The following PTPRR variants were observed in gnomAD, a reference collection of about 807,000 sequenced individuals.
PTPRR encodes the protein protein tyrosine phosphatase receptor type R.
In PTPRR, 38 loss-of-function variants were observed where a neutral mutation model predicts 77.2. The ratio of observed to expected loss-of-function variants is 0.49; its 90% confidence interval spans 0.38 to 0.65. The LOEUF (loss-of-function observed/expected upper bound fraction) is 0.65, where lower values mean the gene tolerates loss of function less well. PTPRR is among the 30% of genes least tolerant of loss of function. The pLI is 0.00. For synonymous variants in PTPRR, 299 were observed against 283.1 expected, an observed-to-expected ratio of 1.06 and a Z score of -0.57; for missense variants, 744 against 799.2, an observed-to-expected ratio of 0.93 and a Z score of 0.83.
rs141636282 is a variant in PTPRR, at chr12:70,859,579, G to C, written c.357+33100C>G. ...AATGAATAGAATAGTCATTTCTCTG[G>C]CACTCTGGGGAAGGAGGAAAGGAAA... On this transcript the variant is annotated intron_variant, in intron 2 of 13. Transcript: ENST00000283228. Among the ~76,000 whole-genome samples, 333 of 152,114 alleles carry C rather than the reference G, an allele frequency of 2.2e-3. 3 individuals carry two copies. The highest frequency in any genetic ancestry group is 7.5e-3 in the African/African-American group (312 of 41,512).
In PTPRR at chr12:70,814,094, C is replaced by T. The variant is rs141366945; in HGVS notation, c.358-49316G>A. On this transcript the variant is annotated intron_variant, in intron 2 of 13. Transcript: ENST00000283228. ...GTAGATCAGTGTCCATAAATTTTTT[C>T]TATAAAAGCTTATCTAATTTTAGGC... 3.2e-4 allele frequency among the ~76,000 whole-genome samples: 49 copies of T among 152,284 alleles called. No individual in the cohort carries two copies. In the East Asian group the frequency reaches 8.5e-3, roughly 26 times the overall value.
chr12:70,737,318 T>C (rs913689954), intron 6 of PTPRR, among the ~76,000 whole-genome samples: 1 of 152,000 alleles, frequency 6.6e-6, no homozygotes, highest in African/African-American at 2.4e-5. Context: ...CTAATAAGCT[T>C]CCCCTGAGAG....
rs115456786 is a variant in PTPRR, at chr12:70,869,400, G to A, written c.357+23279C>T. 3.9e-3 allele frequency among the ~76,000 whole-genome samples: 589 copies of A among 152,170 alleles called. 10 individuals are homozygous for A. The highest frequency in any genetic ancestry group is 0.013 in the African/African-American group (553 of 41,510). The stretch of plus-strand genomic sequence containing the variant: ...ACACGAGGGGAACTCCAGATGCTGC[G>A]TCCTAGAAGTTGATGGAGCTGTCCT... On this transcript the variant is annotated intron_variant, in intron 2 of 13. Transcript: ENST00000283228.
At chr12:70,644,867 T>C (rs1236336393) in intron 13 of PTPRR, among the ~76,000 whole-genome samples, 5 of 152,140 alleles carry the variant, frequency 3.3e-5, no homozygotes, top group Admixed American at 2.6e-4. Flanking sequence ...ATGATGAAAA[T>C]AGTAGGCTTG....
intron 13 of PTPRR, among the ~76,000 whole-genome samples, chr12:70,644,897 T>C (rs558660085): frequency 1.3e-5 from 2 of 152,326 alleles, no homozygotes; most frequent in East Asian, 1.9e-4. Context: ...AGATTCAGGT[T>C]TGAATCCTTG....
intron 1 of PTPRR, among the ~76,000 whole-genome samples, chr12:70,915,531 G>A (rs1346651063): frequency 6.6e-6 from 1 of 152,190 alleles, no homozygotes; most frequent in Non-Finnish European, 1.5e-5. Context: ...GCTGATCCCT[G>A]TAGCCATTCC....
Position 70,827,540 on chromosome 12 carries a change from CTTTCTTTCT to C in PTPRR, c.358-62771_358-62763del, listed in dbSNP as rs1282410702. 2.4e-3 allele frequency among the ~76,000 whole-genome samples: 342 copies of C among 140,102 alleles called. 5 individuals carry two copies. Among genetic ancestry groups the C allele is most frequent in the African/African-American group, 0.01 (329 of 32,788 alleles). The allele number at this position is 140,102 out of a possible 152,430, so 91.9% of individuals were successfully genotyped here. ...AATATCTTTTCTTTTTTCTTTCTTTCTTTCTTTCTTTTTTTTTTTCTTTTTGACAGAGTC... is the reference window on the plus strand; with the variant it reads ...AATATCTTTTCTTTTTTCTTTCTTTCTTTTTTTTTTCTTTTTGACAGAGTC... On this transcript the variant is annotated intron_variant, in intron 2 of 13. Coordinates refer to ENST00000283228, the MANE Select transcript of PTPRR (RefSeq NM_002849.4).
In PTPRR at chr12:70,638,654, C is replaced by A. The variant is rs944464002; in HGVS notation, c.*530G>T. ...GATTTTTGTTTTTCAAAAACAAAGA[C>A]TTCTCTGTTAAAAATCCATTATCAA... On this transcript the variant is annotated 3_prime_UTR_variant, in exon 14 of 14. Transcript: ENST00000283228. 1 of 152,342 alleles carries A rather than the reference C, an allele frequency of 6.6e-6. No homozygotes were observed. The highest frequency in any genetic ancestry group is 1.5e-5 in the Non-Finnish European group (1 of 68,102). The allele number at this position is 152,342 out of a possible 1,614,324, so 9.4% of individuals were successfully genotyped here. A position where few individuals can be genotyped will look rare whatever the true frequency, so the allele number is the denominator to read the frequency against.
chr12:70,754,481 T>C, intron 4 of PTPRR, 180 bp from the exon 5 acceptor site: 1 of 1,558,148 alleles, frequency 6.4e-7, no homozygotes, highest in South Asian at 1.2e-5. Context: ...CATCCTTATA[T>C]ATCGAGATTA....
chr12:70,793,626 C>G (rs1027874915), intron 2 of PTPRR, among the ~76,000 whole-genome samples: 11 of 152,282 alleles, frequency 7.2e-5, no homozygotes, highest in African/African-American at 2.6e-4. Context: ...CCTGGGAAAG[C>G]TTCACCAGAG....
At chr12:70,785,707 T>C (rs2137003662) in intron 2 of PTPRR, among the ~76,000 whole-genome samples, 1 of 152,288 alleles carries the variant, frequency 6.6e-6, no homozygotes, top group Admixed American at 6.5e-5. Flanking sequence ...TTTATAAAAG[T>C]TACAGACAGG....
At chr12:70,841,116 C>A (rs1474479548) in intron 2 of PTPRR, among the ~76,000 whole-genome samples, 1 of 151,890 alleles carries the variant, frequency 6.6e-6, no homozygotes, top group East Asian at 1.9e-4. Flanking sequence ...CCCAGAAAAG[C>A]CATATGGTCA....
intron 2 of PTPRR, among the ~76,000 whole-genome samples, chr12:70,829,230 G>A (rs755068021): frequency 6.8e-6 from 1 of 146,164 alleles, no homozygotes; most frequent in African/African-American, 2.7e-5. Flanking sequence ...GAAGGAAAGA[G>A]GAAGGAAGGA....
At chr12:70,699,883 A>G (rs1592684574) in intron 7 of PTPRR, among the ~76,000 whole-genome samples, 2 of 152,272 alleles carry the variant, frequency 1.3e-5, no homozygotes, top group East Asian at 3.9e-4. Flanking sequence ...ACACACTGAC[A>G]GTCTGTCATC....
intron 2 of PTPRR, chr12:70,789,005 G>T: frequency 1.4e-6 from 1 of 714,592 alleles, no homozygotes; most frequent in Non-Finnish European, 2.1e-6. Context: ...CGGATCCCAG[G>T]TCTACTGCAG....
chr12:70,781,123 C>T (rs1382932927), intron 2 of PTPRR, among the ~76,000 whole-genome samples: 3 of 152,012 alleles, frequency 2.0e-5, no homozygotes, highest in Non-Finnish European at 2.9e-5. Context: ...CTCTGTAGGC[C>T]CAGTTCCTAC....
chr12:70,728,636 T>G (rs1358053510), intron 6 of PTPRR, among the ~76,000 whole-genome samples: 1 of 149,204 alleles, frequency 6.7e-6, no homozygotes, highest in Non-Finnish European at 1.5e-5. Context: ...TTGAGCATCA[T>G]GTCAATGTTC....
intron 6 of PTPRR, among the ~76,000 whole-genome samples, chr12:70,725,167 C>T (rs1889391099): frequency 6.6e-6 from 1 of 152,002 alleles, no homozygotes; most frequent in African/African-American, 2.4e-5. Flanking sequence ...GATTTATTTG[C>T]CATCTAGCTA....
intron 2 of PTPRR, among the ~76,000 whole-genome samples, chr12:70,841,782 T>C (rs1892402396): frequency 6.6e-6 from 1 of 152,210 alleles, no homozygotes; most frequent in Non-Finnish European, 1.5e-5. Flanking sequence ...CTTTATTTTT[T>C]CATTTAATTT....
Sources: allele counts gnomAD v4.1 joint callset (sites outside exome capture counted in the v4.1 genomes callset), GRCh38; gene constraint gnomAD v4.1.1; transcripts MANE v1.5; gene names NCBI Gene and HGNC (gene_info 2026-07-23, HGNC 2026-07-21).